Variants in TESC observed in about 807,000 individuals in gnomAD.
TESC encodes the protein calcineurin B homologous protein 3.
Under a neutral mutation model 31.0 loss-of-function variants are expected in TESC, and 19 were observed. That is an observed-to-expected ratio of 0.61 (90% CI 0.43 to 0.90). The LOEUF (loss-of-function observed/expected upper bound fraction) is 0.90, where lower values mean the gene tolerates loss of function less well. Among genes scored for constraint, TESC ranks in the 40% least tolerant of loss-of-function variants. TESC has a pLI of 0.00. For missense variants in TESC, 248 were observed against 303.8 expected, an observed-to-expected ratio of 0.82 and a Z score of 1.36; for synonymous variants, 109 against 114.8, an observed-to-expected ratio of 0.95 and a Z score of 0.32.
At chr12:117,059,746 C>T (rs558005979) in intron 2 of TESC, among the ~76,000 whole-genome samples, 109 of 152,182 alleles carry the variant, frequency 7.2e-4, no homozygotes, top group Middle Eastern at 6.8e-3. Context: ...ACATGTGCTA[C>T]CACGCCCAGC....
intron 6 of TESC, among the ~76,000 whole-genome samples, chr12:117,045,973 GCTCT>G (rs1440589301): frequency 2.6e-5 from 4 of 152,202 alleles, no homozygotes; most frequent in African/African-American, 7.2e-5. Flanking sequence ...GATTCTCTAT[GCTCT>G]CTGAGTCTCA....
chr12:117,085,111 T>C (rs905309677), intron 1 of TESC, among the ~76,000 whole-genome samples: 1 of 152,174 alleles, frequency 6.6e-6, no homozygotes, highest in African/African-American at 2.4e-5. Flanking sequence ...CAGGAGGTGA[T>C]GCCCAATGGG....
chr12:117,073,128 T>C (rs954781957), intron 2 of TESC, among the ~76,000 whole-genome samples: 1 of 152,220 alleles, frequency 6.6e-6, no homozygotes, highest in Non-Finnish European at 1.5e-5. Context: ...CCTCAGCCTA[T>C]GGACCAAGGA....
chr12:117,069,631 G>A (rs756044717), intron 2 of TESC, among the ~76,000 whole-genome samples: 33 of 152,046 alleles, frequency 2.2e-4, no homozygotes, highest in Non-Finnish European at 4.6e-4. Context: ...GCCGCAAGAC[G>A]AACCCTCCCC....
chr12:117,046,935 CCAAACCTCA>C, intron 4 of TESC, 97 bp from the exon 5 acceptor site: 1 of 1,335,298 alleles, frequency 7.5e-7, no homozygotes, highest in East Asian at 2.5e-5. Flanking sequence ...ACACCAATAA[CCAAACCTCA>C]ATGCCAAAGC....
intron 2 of TESC, among the ~76,000 whole-genome samples, chr12:117,059,716 C>T (rs1954775253): frequency 6.6e-6 from 1 of 152,074 alleles, no homozygotes; most frequent in Non-Finnish European, 1.5e-5. Flanking sequence ...CCTCAGCCTC[C>T]CGAGTAGCTG....
Position 117,083,645 on chromosome 12 carries a change from C to T in TESC, c.59-8305G>A, listed in dbSNP as rs185150248. On this transcript the variant is annotated intron_variant, in intron 1 of 7. Coordinates refer to ENST00000335209, the MANE Select transcript of TESC (RefSeq NM_017899.4). ...TGTGAAAGAAGCCAGACATACAAGG[C>T]CACACGGTGTATGATCCCATTTACA... Among the ~76,000 whole-genome samples the T allele has an allele frequency of 2.0e-5, 3 of 152,336 alleles. No homozygotes were observed. In the East Asian group the frequency reaches 5.8e-4, roughly 29 times the overall value.
chr12:117,083,924 T>A (rs1031485579), intron 1 of TESC: 31 of 152,138 alleles, frequency 2.0e-4, no homozygotes, highest in African/African-American at 5.8e-4. Flanking sequence ...TGAGACCCCA[T>A]CTCTACTGAA....
At chr12:117,076,383 C>A (rs1235377210) in intron 1 of TESC, among the ~76,000 whole-genome samples, 2 of 152,174 alleles carry the variant, frequency 1.3e-5, no homozygotes, top group Non-Finnish European at 2.9e-5. Flanking sequence ...CAATATTAAA[C>A]AATGATCTGC....
At chr12:117,096,304 C>T (rs920731572) in intron 1 of TESC, among the ~76,000 whole-genome samples, 2 of 152,182 alleles carry the variant, frequency 1.3e-5, no homozygotes, top group Non-Finnish European at 2.9e-5. Flanking sequence ...GCTTTTCTCC[C>T]TTTTTCTCAG....
In TESC at chr12:117,038,953, T is replaced by G; in HGVS notation, c.*180A>C. 3.7e-6 allele frequency: 2 copies of G among 539,412 alleles called. No homozygotes were observed. Among genetic ancestry groups the G allele is most frequent in the Non-Finnish European group, 3.2e-6 (1 of 310,556 alleles). 33.4% of individuals were successfully genotyped at this position (539,412 alleles called of 1,614,324 possible). A position where few individuals can be genotyped will look rare whatever the true frequency, so the allele number is the denominator to read the frequency against. ...TAACAAACCTTTTTTTTTTTTTTATTGGAGATAAAAACAGCGAAGTCCCAC... is the reference window on the plus strand; with the variant it reads ...TAACAAACCTTTTTTTTTTTTTTATGGGAGATAAAAACAGCGAAGTCCCAC... On this transcript the variant is annotated 3_prime_UTR_variant, in exon 8 of 8. Transcript: ENST00000335209.
intron 1 of TESC, among the ~76,000 whole-genome samples, chr12:117,097,422 A>G (rs1027888352): frequency 2.0e-5 from 3 of 152,214 alleles, no homozygotes; most frequent in Admixed American, 2.0e-4. Context: ...CAAACCCACA[A>G]CCAGGTGGAA....
At chr12:117,078,630 T>G (rs1955104865) in intron 1 of TESC, among the ~76,000 whole-genome samples, 2 of 152,202 alleles carry the variant, frequency 1.3e-5, no homozygotes, top group African/African-American at 4.8e-5. Flanking sequence ...ACATTCCACA[T>G]ATACTGCCTA....
chr12:117,065,776 G>A (rs1446017782), intron 2 of TESC, among the ~76,000 whole-genome samples: 1 of 152,086 alleles, frequency 6.6e-6, no homozygotes, highest in Non-Finnish European at 1.5e-5. Flanking sequence ...GTAAGTTCTG[G>A]GAGGCTGAGG....
At chr12:117,049,629 G>A (rs1448390311) in intron 3 of TESC, among the ~76,000 whole-genome samples, 1 of 151,954 alleles carries the variant, frequency 6.6e-6, no homozygotes, top group Non-Finnish European at 1.5e-5. Context: ...GGCTGGGTGC[G>A]GTGGCTAATG....
intron 1 of TESC, among the ~76,000 whole-genome samples, chr12:117,075,847 G>GTATATATATATATATATATGTGTATA (rs1955046204): frequency 1.5e-5 from 1 of 67,222 alleles, no homozygotes; most frequent in African/African-American, 6.4e-5. Context: ...GTGTGTGTGT[G>GTATATATATATATATATATGTGTATA]TATATATATA....
intron 2 of TESC, among the ~76,000 whole-genome samples, chr12:117,062,986 C>T (rs1954819110): frequency 6.6e-6 from 1 of 152,200 alleles, no homozygotes; most frequent in South Asian, 2.1e-4. Context: ...TCCAGGGCCA[C>T]ACACCTTCCA....
intron 1 of TESC, among the ~76,000 whole-genome samples, chr12:117,078,312 A>C (rs1955100231): frequency 6.6e-6 from 1 of 152,246 alleles, no homozygotes; most frequent in East Asian, 1.9e-4. Context: ...CTAAAAATAC[A>C]AAGATGAGCC....
chr12:117,099,114 G>A, intron 1 of TESC, 111 bp downstream of exon 1: 1 of 1,186,492 alleles, frequency 8.4e-7, no homozygotes, highest in South Asian at 1.7e-5. Context: ...GGCGCAGAGA[G>A]GGCCCGCCAC....
Sources: gnomAD v4.1 joint callset for allele counts (sites outside exome capture counted in the v4.1 genomes callset) on GRCh38, gnomAD v4.1.1 for gene constraint, MANE v1.5 for transcripts, NCBI Gene and HGNC (gene_info 2026-07-23, HGNC 2026-07-21) for gene names.